The following DHCR7 variants were observed in gnomAD, a reference collection of about 807,000 sequenced individuals.
The protein encoded by DHCR7 is 7-dehydrocholesterol reductase, also known as 7-DHC reductase.
In DHCR7, 40 loss-of-function variants were observed where a neutral mutation model predicts 43.3. The observed-to-expected ratio is 0.92, with a 90% CI of 0.72 to 1.20. DHCR7 has a LOEUF of 1.20. Ranked by LOEUF, DHCR7 falls within the 50% of genes most tolerant of loss-of-function variation. DHCR7 has a pLI of 0.00. For synonymous variants in DHCR7, 298 were observed against 271.4 expected (o/e 1.10, Z -0.96); for missense variants, 608 against 644.6 (o/e 0.94, Z 0.62).
At position 71,435,346 on chromosome 11, in the gene DHCR7, C is replaced by T; in HGVS notation, c.*29G>A. ...CCTGGCAGAACACGCTCTTGACAGC[C>T]CCACAGGGCTTCTCCCTAGGGCGTG... is the stretch of plus-strand genomic sequence containing the variant. On this transcript the variant is annotated 3_prime_UTR_variant, in exon 9 of 9. Transcript: ENST00000355527. The T allele has an allele frequency of 6.2e-7, 1 of 1,606,692 alleles. No homozygotes were observed. Among genetic ancestry groups the T allele is most frequent in the African/African-American group, 1.3e-5 (1 of 75,006 alleles).
intron 6 of DHCR7, among the ~76,000 whole-genome samples, chr11:71,440,285 C>T (rs923622922): frequency 5.9e-5 from 9 of 152,044 alleles, no homozygotes; most frequent in African/African-American, 2.2e-4. Flanking sequence ...TTCCCCTCGG[C>T]ACATGCCATT....
At chr11:71,438,656 C>G (rs1007536786) in intron 7 of DHCR7, 2 of 615,668 alleles carry the variant, frequency 3.2e-6, no homozygotes, top group Non-Finnish European at 5.8e-6. Flanking sequence ...CGCCTGGCTG[C>G]GTAGAACCTG....
chr11:71,440,487 A>C (rs12283656), intron 6 of DHCR7, among the ~76,000 whole-genome samples: 2,011 of 113,470 alleles, frequency 0.018, 45 homozygotes, highest in African/African-American at 0.065. Flanking sequence ...GTGGGTGGGT[A>C]GGTGGAAGGA....
chr11:71,439,180 C>G (rs544044213), intron 6 of DHCR7, 97 bp from the exon 7 acceptor site: 3 of 1,201,518 alleles, frequency 2.5e-6, no homozygotes, highest in African/African-American at 3.0e-5. Flanking sequence ...GCCCAGGGTC[C>G]TAAAGGGTAA....
downstream of DHCR7, among the ~76,000 whole-genome samples, chr11:71,429,480 G>A (rs370491992): frequency 1.3e-5 from 2 of 152,190 alleles, no homozygotes; most frequent in Non-Finnish European, 2.9e-5. Flanking sequence ...GGGGGCACCC[G>A]GTAGATGGAA....
Position 71,437,901 on chromosome 11 carries a change from G to A in DHCR7, c.874C>T (p.Leu292=), listed in dbSNP as rs768668145. Residue 292 remains leucine (L), a synonymous_variant, in exon 8 of 9, where the codon CTG becomes TTG. Coordinates refer to ENST00000355527, the MANE Select transcript of DHCR7 (RefSeq NM_001360.3). ...IDFFWNETWY[L]KTIDICHDHF... ...TCATGGCAGATGTCAATGGTCTTCA[G>A]GTACCAGGTTTCGTTCCAGAAGAAG... 5.0e-6 allele frequency: 8 copies of A among 1,613,974 alleles called. No individual in the cohort carries two copies. Among genetic ancestry groups the A allele is most frequent in the Non-Finnish European group, 6.8e-6 (8 of 1,180,022 alleles).
At chr11:71,432,452 T>C (rs761714781), downstream of DHCR7, among the ~76,000 whole-genome samples, 13 of 152,246 alleles carry the variant, frequency 8.5e-5, no homozygotes, top group Non-Finnish European at 1.5e-4. Flanking sequence ...TGTTTATATT[T>C]ATGGGGTACA....
rs1317526744 is a variant in DHCR7 at position 71,435,781 on chromosome 11, A to G, written c.1022T>C (p.Leu341Pro). 8.1e-6 allele frequency: 13 copies of G among 1,609,162 alleles called. No individual in the cohort carries two copies. Among genetic ancestry groups the G allele is most frequent in the Non-Finnish European group, 1.1e-5 (13 of 1,176,864 alleles). The change falls in exon 9 of 9, where the codon CTG becomes CCG. Residue 341 changes from leucine to proline, a missense_variant. Leu to Pro is a moderately conservative substitution (Grantham distance 98). Transcript: ENST00000355527. ...QLSTPHAVGV[L>P]LLGLVGYYIF... is the part of the protein sequence containing the mutation. ...GTAGTAGCCCACCAGGCCCAGCAGC[A>G]GGACGCCCACGGCGTGCGGGGTGGA...
chr11:71,438,211 G>A (rs994399642), intron 7 of DHCR7, among the ~76,000 whole-genome samples: 3 of 152,162 alleles, frequency 2.0e-5, no homozygotes, highest in Admixed American at 6.5e-5. Context: ...TTGCAATGGC[G>A]CGTGCCAAGG....
chr11:71,436,779 C>T (rs1790330), intron 8 of DHCR7, among the ~76,000 whole-genome samples: 43,001 of 152,084 alleles, frequency 0.28, 6,539 homozygotes, highest in South Asian at 0.47. Context: ...TTGAAAAATA[C>T]ATCTCTTTCT....
intron 6 of DHCR7, among the ~76,000 whole-genome samples, chr11:71,440,444 G>A (rs1266709678): frequency 6.7e-6 from 1 of 149,968 alleles, no homozygotes; most frequent in Non-Finnish European, 1.5e-5. Context: ...GTGGAGGGTG[G>A]ATGGGCAGGT....
intron 5 of DHCR7, 123 bp from the exon 6 acceptor site, chr11:71,441,563 C>G: frequency 1.2e-6 from 1 of 856,362 alleles, no homozygotes; most frequent in South Asian, 1.4e-5. Flanking sequence ...TGCGGACCCT[C>G]ATCTGGGGCC....
intron 7 of DHCR7, 53 bp downstream of exon 7, chr11:71,438,825 TC>T: frequency 6.3e-7 from 1 of 1,581,982 alleles, no homozygotes; most frequent in Admixed American, 1.7e-5. Flanking sequence ...GCTTGCGGGT[TC>T]CCCCAGAGCC....
chr11:71,428,733 G>T, exon 3 of DHCR7: 1 of 433,794 alleles, frequency 2.3e-6, no homozygotes. Context: ...CCTGTCCAGG[G>T]GGAAACAGCC....
intron 3 of DHCR7, 82 bp from the exon 4 acceptor site, chr11:71,444,297 G>C: frequency 8.2e-7 from 1 of 1,215,684 alleles, no homozygotes; most frequent in Admixed American, 2.0e-5. Flanking sequence ...CTGTGTGGGA[G>C]AACTGTTGCT....
chr11:71,440,523 G>A (rs1388754283), intron 6 of DHCR7, among the ~76,000 whole-genome samples: 2 of 151,788 alleles, frequency 1.3e-5, no homozygotes, highest in Non-Finnish European at 2.9e-5. Flanking sequence ...GTGGATGGGT[G>A]TGTGGCTAGA....
rs886048619 is a variant in DHCR7 at position 71,448,350 on chromosome 11, G to C, written c.-192C>G. The C allele has an allele frequency of 6.5e-6, 1 of 153,562 alleles. No homozygotes were observed. The highest frequency in any genetic ancestry group is 1.4e-5 in the Non-Finnish European group (1 of 68,998). 9.5% of individuals were successfully genotyped at this position (153,562 alleles called of 1,614,324 possible). A position where few individuals can be genotyped will look rare whatever the true frequency, so the allele number is the denominator to read the frequency against. ...TCCCCTGGCCTCGCTTGCGCGCGCTGCTCCACGCCGCCTACCCTCTAGCCA... is the reference window on the plus strand; with the variant it reads ...TCCCCTGGCCTCGCTTGCGCGCGCTCCTCCACGCCGCCTACCCTCTAGCCA... On this transcript the variant is annotated 5_prime_UTR_variant, in exon 1 of 9. Transcript: ENST00000355527.
downstream of DHCR7, chr11:71,428,168 C>A (rs539131022): frequency 1.3e-5 from 2 of 152,234 alleles, no homozygotes; most frequent in African/African-American, 2.4e-5. Flanking sequence ...CTTTTCAAAT[C>A]TTTTTCTTGC....
chr11:71,438,770 C>T (rs1029714052), intron 7 of DHCR7, 109 bp downstream of exon 7: 1 of 1,210,102 alleles, frequency 8.3e-7, no homozygotes, highest in African/African-American at 1.5e-5. Flanking sequence ...GGGCAGCTGA[C>T]TCTCTTTTAC....
Sources: allele counts gnomAD v4.1 joint callset (sites outside exome capture counted in the v4.1 genomes callset), GRCh38; gene constraint gnomAD v4.1.1; transcripts MANE v1.5; gene names NCBI Gene and HGNC (gene_info 2026-07-23, HGNC 2026-07-21).